Variants in SCGB2B2 observed in about 807,000 individuals in gnomAD.
The protein encoded by SCGB2B2 is secretoglobin family 2B member 2.
Under a neutral mutation model 7.6 loss-of-function variants are expected in SCGB2B2, and 11 were observed. The ratio of observed to expected loss-of-function variants is 1.45; its 90% CI spans 0.91 to 2.40. SCGB2B2 has a LOEUF of 2.40. Among genes scored for constraint, SCGB2B2 ranks in the 30% most tolerant of loss-of-function variants. The probability of loss-of-function intolerance (pLI) is 0.00; values close to 1 mark genes in which losing one functional copy is unlikely to be tolerated. For synonymous variants in SCGB2B2, 50 were observed against 48.6 expected (o/e 1.03, Z -0.12); for missense variants, 104 against 115.4 (o/e 0.90, Z 0.45).
intron 1 of SCGB2B2, among the ~76,000 whole-genome samples, chr19:34,645,154 G>A (rs1034904358): frequency 6.6e-5 from 10 of 152,048 alleles, no homozygotes; most frequent in East Asian, 1.9e-4. Context: ...GACAATAAAC[G>A]CACAGGCAAA....
At position 34,591,910 on chromosome 19, in the gene SCGB2B2, C is replaced by G. The variant is rs1414498078; in HGVS notation, c.*1645G>C. 1.3e-5 allele frequency among the ~76,000 whole-genome samples: 2 copies of G among 152,220 alleles called. No individual in the cohort carries two copies. The highest frequency in any genetic ancestry group is 2.9e-5 in the Non-Finnish European group (2 of 68,040). On this transcript the variant is annotated 3_prime_UTR_variant, in exon 4 of 4. Transcript: ENST00000601241. ...CAATTTTCTTGAGCTTTGCAACCCCCTCTTCACCTTGGATGTGAACTTCAG... is the reference window on the plus strand; with the variant it reads ...CAATTTTCTTGAGCTTTGCAACCCCGTCTTCACCTTGGATGTGAACTTCAG...
rs1480842569 is a variant in SCGB2B2 at position 34,595,725 on chromosome 19, T to C, written c.-1162A>G. ...ACAAGCCCTTTTCCCAGCACCTACA[T>C]ATGAGGGAGCTGATGTCACTCACGT... On this transcript the variant is annotated 5_prime_UTR_variant, in exon 2 of 4. It adds an upstream start codon to the 5' untranslated region. Coordinates refer to ENST00000601241, the MANE Select transcript of SCGB2B2 (RefSeq NM_001025591.4). 1 of 152,132 alleles carries C rather than the reference T, an allele frequency of 6.6e-6. No individual in the cohort carries two copies. Among genetic ancestry groups the C allele is most frequent in the African/African-American group, 2.4e-5 (1 of 41,426 alleles). The allele number at this position is 152,132 out of a possible 1,614,324, so 9.4% of individuals were successfully genotyped here.
intron 1 of SCGB2B2, among the ~76,000 whole-genome samples, chr19:34,652,378 T>C (rs8109120): frequency 0.37 from 55,846 of 150,808 alleles, 11,510 homozygotes; most frequent in African/African-American, 0.48. Context: ...GCCAAAAAAA[T>C]TGTAAACTAT....
At chr19:34,588,925 G>A (rs540784109), downstream of SCGB2B2, among the ~76,000 whole-genome samples, 43 of 152,254 alleles carry the variant, frequency 2.8e-4, no homozygotes, top group Non-Finnish European at 2.9e-5. Flanking sequence ...AAACCTGAGA[G>A]ATGGGGCCCA....
chr19:34,612,874 C>T (rs2145850408), intron 1 of SCGB2B2, among the ~76,000 whole-genome samples: 1 of 152,248 alleles, frequency 6.6e-6, no homozygotes, highest in African/African-American at 2.4e-5. Context: ...TTGTCATACC[C>T]TCTTGGTATA....
At chr19:34,600,866 T>G (rs577422093) in intron 1 of SCGB2B2, among the ~76,000 whole-genome samples, 4 of 152,236 alleles carry the variant, frequency 2.6e-5, no homozygotes, top group Admixed American at 1.3e-4. Flanking sequence ...AAAAAGAAGT[T>G]TAAAGTTTAC....
At chr19:34,623,753 C>T (rs1342571170) in intron 1 of SCGB2B2, among the ~76,000 whole-genome samples, 1 of 152,200 alleles carries the variant, frequency 6.6e-6, no homozygotes, top group Non-Finnish European at 1.5e-5. Context: ...CCTAGCAAAG[C>T]CCTGATTTCC....
Position 34,619,207 on chromosome 19 carries a change from A to C in SCGB2B2, c.-2031-22613T>G, listed in dbSNP as rs111704274. ...CACACACGTAACACACATAATACACAGACAAAAACGGAGATCCAAGACAGA... is the reference window on the plus strand; with the variant it reads ...CACACACGTAACACACATAATACACCGACAAAAACGGAGATCCAAGACAGA... On this transcript the variant is annotated intron_variant, in intron 1 of 3. Coordinates refer to ENST00000601241, the MANE Select transcript of SCGB2B2 (RefSeq NM_001025591.4). 7.8e-3 allele frequency among the ~76,000 whole-genome samples: 1,183 copies of C among 152,290 alleles called. 18 individuals carry two copies. The highest frequency in any genetic ancestry group is 0.027 in the African/African-American group (1,124 of 41,566).
At chr19:34,662,852 G>A (rs1246771739) in intron 1 of SCGB2B2, among the ~76,000 whole-genome samples, 1 of 152,032 alleles carries the variant, frequency 6.6e-6, no homozygotes, top group Non-Finnish European at 1.5e-5. Flanking sequence ...GATCGCTTGA[G>A]CTCAGGAGGT....
chr19:34,600,698 A>G (rs927239381), intron 1 of SCGB2B2, among the ~76,000 whole-genome samples: 4 of 151,986 alleles, frequency 2.6e-5, no homozygotes. Flanking sequence ...CTTTCTTCCC[A>G]TTTATATATT....
chr19:34,624,787 A>G (rs1406172424), intron 1 of SCGB2B2, among the ~76,000 whole-genome samples: 2 of 152,164 alleles, frequency 1.3e-5, no homozygotes, highest in East Asian at 3.9e-4. Context: ...AACAGAGCCA[A>G]CATTCCCAAC....
chr19:34,605,616 G>A (rs2065754857), intron 1 of SCGB2B2, among the ~76,000 whole-genome samples: 1 of 152,106 alleles, frequency 6.6e-6, no homozygotes, highest in Non-Finnish European at 1.5e-5. Context: ...TTTTGCTCTT[G>A]TTGCCCAGGC....
downstream of SCGB2B2, among the ~76,000 whole-genome samples, chr19:34,586,277 T>A (rs946879646): frequency 6.6e-6 from 1 of 152,274 alleles, no homozygotes; most frequent in Non-Finnish European, 1.5e-5. Context: ...TAATAAAGTA[T>A]AATTGACATA....
intron 1 of SCGB2B2, chr19:34,645,694 G>A: frequency 7.1e-6 from 3 of 424,324 alleles, no homozygotes; most frequent in East Asian, 6.9e-5. Flanking sequence ...GTGCTCTTCT[G>A]CTGGCTCTAA....
intron 1 of SCGB2B2, among the ~76,000 whole-genome samples, chr19:34,625,652 T>C (rs1253449195): frequency 6.6e-6 from 1 of 152,102 alleles, no homozygotes; most frequent in Non-Finnish European, 1.5e-5. Flanking sequence ...CCAACACAGC[T>C]CAAGGAGGCC....
At chr19:34,673,221 C>T (rs2067844056) in intron 1 of SCGB2B2, among the ~76,000 whole-genome samples, 3 of 152,126 alleles carry the variant, frequency 2.0e-5, no homozygotes, top group Admixed American at 1.3e-4. Context: ...TTTAGTTTCT[C>T]CTTATTGCTC....
At chr19:34,594,419 A>G in intron 2 of SCGB2B2, 60 bp from the exon 3 acceptor site, 2 of 1,599,462 alleles carry the variant, frequency 1.3e-6, no homozygotes, top group Middle Eastern at 1.7e-4. Context: ...GAAACCTCCC[A>G]TGGCCAATGA....
intron 1 of SCGB2B2, among the ~76,000 whole-genome samples, chr19:34,598,218 C>T (rs530006022): frequency 1.8e-4 from 27 of 152,276 alleles, no homozygotes; most frequent in African/African-American, 4.8e-4. Flanking sequence ...GCACATGCCA[C>T]GGCACAACTT....
chr19:34,593,661 C>T lies in SCGB2B2; in HGVS notation c.247-62G>A, dbSNP rs902338406. On this transcript the variant is annotated intron_variant, in intron 3 of 3. Coordinates refer to ENST00000601241, the MANE Select transcript of SCGB2B2 (RefSeq NM_001025591.4). ...TCTGTGAAAGGCTCCCCAGACTCAT[C>T]GTTATTGCCCGGTCCCCGAGCTCAG... The T allele has an allele frequency of 5.1e-6, 7 of 1,359,892 alleles. No homozygotes were observed. In the African/African-American group the frequency reaches 5.8e-5, roughly 11 times the overall value. The allele number at this position is 1,359,892 out of a possible 1,614,324, so 84.2% of individuals were successfully genotyped here.
Sources: allele counts gnomAD v4.1 joint callset (sites outside exome capture counted in the v4.1 genomes callset), GRCh38; gene constraint gnomAD v4.1.1; transcripts MANE v1.5; gene names NCBI Gene and HGNC (gene_info 2026-07-23, HGNC 2026-07-21).